Variants in NBEA observed in about 807,000 individuals in gnomAD.
NBEA encodes the protein lysosomal-trafficking regulator 2.
Under a neutral mutation model 343.4 loss-of-function variants are expected in NBEA, and 44 were observed. The ratio of observed to expected loss-of-function variants is 0.13; its 90% CI spans 0.10 to 0.16. The LOEUF (loss-of-function observed/expected upper bound fraction) is 0.16, where lower values mean the gene tolerates loss of function less well. Ranked by LOEUF, NBEA falls within the 10% of genes least tolerant of loss-of-function variation. NBEA has a pLI of 1.00. For synonymous variants in NBEA, 1,175 were observed against 1,238.7 expected, an observed-to-expected ratio of 0.95 and a Z score of 1.08; for missense variants, 2,555 against 3,631.3, an observed-to-expected ratio of 0.70 and a Z score of 7.62.
chr13:34,969,042 A>G (rs1367130598), intron 1 of NBEA, among the ~76,000 whole-genome samples: 1 of 151,434 alleles, frequency 6.6e-6, no homozygotes, highest in African/African-American at 2.4e-5. Context: ...AGTGATCATG[A>G]CTTTTATCAC....
chr13:35,523,018 C>T (rs910707599), intron 41 of NBEA, among the ~76,000 whole-genome samples: 20 of 152,024 alleles, frequency 1.3e-4, no homozygotes, highest in African/African-American at 1.2e-4. Context: ...ACCAGTTGGA[C>T]GTAGAAAGGA....
chr13:35,058,309 A>G (rs2063341714), intron 7 of NBEA, among the ~76,000 whole-genome samples: 1 of 152,130 alleles, frequency 6.6e-6, no homozygotes, highest in African/African-American at 2.4e-5. Context: ...ATTAGACCCT[A>G]TGTGTTCATG....
At chr13:35,280,410 C>T (rs2062986783) in intron 34 of NBEA, among the ~76,000 whole-genome samples, 1 of 152,004 alleles carries the variant, frequency 6.6e-6, no homozygotes, top group Non-Finnish European at 1.5e-5. Flanking sequence ...CTAGAATAAT[C>T]CCTAGGTCAG....
chr13:35,336,636 A>G (rs1032815751), intron 36 of NBEA, among the ~76,000 whole-genome samples: 1 of 152,094 alleles, frequency 6.6e-6, no homozygotes, highest in Non-Finnish European at 1.5e-5. Context: ...ATATCCATCA[A>G]TGGTAGACTG....
At position 35,384,611 on chromosome 13, in the gene NBEA, C is replaced by T. The variant is rs796136631; in HGVS notation, c.6179+32288C>T. Among the ~76,000 whole-genome samples the T allele has an allele frequency of 5.4e-4, 81 of 150,894 alleles. 1 individual carries two copies. The highest frequency in any genetic ancestry group is 1.8e-3 in the African/African-American group (75 of 41,026). ...TGCGATCTTGGCTCACTGCAACCTC[C>T]GCCTCCCAGGTTCAGGCGATTCTTG... On this transcript the variant is annotated intron_variant, in intron 38 of 58. Transcript: ENST00000379939.
In NBEA at chr13:35,143,136, CA is replaced by C. The variant is rs1170737659; in HGVS notation, c.2445+766del. On this transcript the variant is annotated intron_variant, in intron 18 of 58. Coordinates refer to ENST00000379939, the MANE Select transcript of NBEA (RefSeq NM_001385012.1). ...ATATTTCTAAATGGTTGAAAATAATCAAAAAAAGAATAATATATGAGTTGTA... is the reference window on the plus strand; with the variant it reads ...ATATTTCTAAATGGTTGAAAATAATCAAAAAAGAATAATATATGAGTTGTA... 2.6e-5 allele frequency among the ~76,000 whole-genome samples: 4 copies of C among 151,932 alleles called. No individual in the cohort carries two copies. In the East Asian group the frequency reaches 7.7e-4, roughly 29 times the overall value.
chr13:35,525,020 A>G (rs117484826), intron 41 of NBEA, among the ~76,000 whole-genome samples: 4,095 of 152,302 alleles, frequency 0.027, 97 homozygotes, highest in Non-Finnish European at 0.042. Flanking sequence ...AGAATGCTCA[A>G]TAACAAAATG....
chr13:35,651,961 A>AT (rs35622952), intron 53 of NBEA, 85 bp downstream of exon 53: 104,093 of 777,488 alleles, frequency 0.13, 8,057 homozygotes, highest in South Asian at 0.17. Context: ...GTTGAACAAT[A>AT]TTTTTTCTAC....
At chr13:35,464,532 T>C (rs1460524748) in intron 40 of NBEA, among the ~76,000 whole-genome samples, 2 of 152,176 alleles carry the variant, frequency 1.3e-5, no homozygotes, top group Non-Finnish European at 2.9e-5. Context: ...ATGTCCAGAA[T>C]TTTTTTCTGT....
At chr13:35,245,407 TTC>T (rs1429014523) in intron 34 of NBEA, among the ~76,000 whole-genome samples, 1 of 152,174 alleles carries the variant, frequency 6.6e-6, no homozygotes, top group African/African-American at 2.4e-5. Flanking sequence ...TTTAAAGAGT[TTC>T]TGTTTTGATG....
intron 1 of NBEA, among the ~76,000 whole-genome samples, chr13:34,991,307 A>G (rs751780988): frequency 2.6e-5 from 4 of 152,200 alleles, no homozygotes; most frequent in Non-Finnish European, 5.9e-5. Flanking sequence ...GAGACTGGGT[A>G]ATTTGTGAAG....
intron 1 of NBEA, among the ~76,000 whole-genome samples, chr13:34,954,009 C>T (rs1042284684): frequency 1.3e-5 from 2 of 152,184 alleles, no homozygotes; most frequent in African/African-American, 2.4e-5. Flanking sequence ...AAACCATTCC[C>T]CCTGAACCCC....
At chr13:35,341,265 A>C (rs977944736) in intron 36 of NBEA, among the ~76,000 whole-genome samples, 1 of 152,070 alleles carries the variant, frequency 6.6e-6, no homozygotes. Flanking sequence ...TTCAAAATGC[A>C]TGAAAGACCC....
intron 30 of NBEA, among the ~76,000 whole-genome samples, chr13:35,194,805 AT>A (rs554955067): frequency 5.3e-4 from 80 of 152,090 alleles, no homozygotes; most frequent in African/African-American, 1.8e-3. Context: ...CATTTTAAAG[AT>A]TTTTTTATTT....
At chr13:35,094,136 TA>T (rs749747200) in intron 10 of NBEA, among the ~76,000 whole-genome samples, 2 of 152,084 alleles carry the variant, frequency 1.3e-5, no homozygotes, top group East Asian at 3.9e-4. Flanking sequence ...AACATAAAAT[TA>T]AAAATCTCTG....
rs542050012 is a variant in NBEA at position 35,080,062 on chromosome 13, C to T, written c.1571+9210C>T. ...GTACAGATGCTTGTTTCTTTCTGCA[C>T]TGTGTAGTTTTTAGAACAACACAAT... On this transcript the variant is annotated intron_variant, in intron 10 of 58. Transcript: ENST00000379939. 4.6e-5 allele frequency among the ~76,000 whole-genome samples: 7 copies of T among 152,248 alleles called. No individual in the cohort carries two copies. In the South Asian group the frequency reaches 1.5e-3, roughly 32 times the overall value.
intron 52 of NBEA, among the ~76,000 whole-genome samples, chr13:35,650,797 T>A (rs3794392): frequency 6.6e-6 from 1 of 152,064 alleles, no homozygotes; most frequent in South Asian, 2.1e-4. Flanking sequence ...TGGCCCAGTT[T>A]ACCACTTGGG....
At chr13:35,669,974 A>AGG (rs1328289341) in intron 58 of NBEA, among the ~76,000 whole-genome samples, 1 of 152,106 alleles carries the variant, frequency 6.6e-6, no homozygotes, top group Non-Finnish European at 1.5e-5. Context: ...CAGTAGTATT[A>AGG]GGGGGTCTCA....
At chr13:35,324,576 A>C (rs2152843087) in intron 36 of NBEA, among the ~76,000 whole-genome samples, 1 of 152,308 alleles carries the variant, frequency 6.6e-6, no homozygotes, top group Admixed American at 6.5e-5. Context: ...AAAAAACAAA[A>C]CCTGAATAAA....
Sources: gnomAD v4.1 joint callset for allele counts (sites outside exome capture counted in the v4.1 genomes callset) on GRCh38, gnomAD v4.1.1 for gene constraint, MANE v1.5 for transcripts, NCBI Gene and HGNC (gene_info 2026-07-23, HGNC 2026-07-21) for gene names.